Variants in ZNF804B observed in about 807,000 individuals in gnomAD.
The protein encoded by ZNF804B is zinc finger protein 804B.
A neutral mutation model predicts 101.4 loss-of-function variants in ZNF804B; 80 were observed. The observed-to-expected ratio is 0.79, with a 90% CI of 0.66 to 0.95. ZNF804B has a LOEUF of 0.95. Ranked by LOEUF, ZNF804B falls within the 40% of genes least tolerant of loss-of-function variation. The pLI, the probability that ZNF804B is intolerant of heterozygous loss-of-function variation, is 0.00. For missense variants in ZNF804B, 1,673 were observed against 1,561.9 expected (o/e 1.07, Z -1.20); for synonymous variants, 622 against 558.8 (o/e 1.11, Z -1.59).
In ZNF804B at chr7:88,773,532, A is replaced by G. The variant is rs899467776; in HGVS notation, c.108+13448A>G. ...ATAAATCACATTGTGGGAAGAGCAG[A>G]TATGTTTTACATAAACCAAATAATA... On this transcript the variant is annotated intron_variant, in intron 1 of 3. Coordinates refer to ENST00000333190, the MANE Select transcript of ZNF804B (RefSeq NM_181646.5). Among the ~76,000 whole-genome samples the G allele has an allele frequency of 3.0e-4, 46 of 152,342 alleles. 1 individual carries two copies. Among genetic ancestry groups the G allele is most frequent in the African/African-American group, 1.1e-3 (46 of 41,592 alleles).
chr7:89,329,715 T>A (rs1421990985), intron 3 of ZNF804B, among the ~76,000 whole-genome samples: 1 of 151,656 alleles, frequency 6.6e-6, no homozygotes, highest in East Asian at 1.9e-4. Flanking sequence ...TATGTGAACT[T>A]CTTATGTATG....
At chr7:89,198,951 G>A (rs1287057195) in intron 1 of ZNF804B, among the ~76,000 whole-genome samples, 3 of 151,822 alleles carry the variant, frequency 2.0e-5, no homozygotes, top group African/African-American at 7.2e-5. Context: ...GGAATATGGA[G>A]CCATAAGGAG....
intron 1 of ZNF804B, among the ~76,000 whole-genome samples, chr7:89,144,237 T>A (rs1345970566): frequency 1.3e-5 from 2 of 152,044 alleles, no homozygotes; most frequent in Non-Finnish European, 2.9e-5. Flanking sequence ...ATGGATCCTA[T>A]AACATATATA....
chr7:89,327,666 A>G (rs1189871144), intron 3 of ZNF804B, among the ~76,000 whole-genome samples, 192 bp downstream of exon 3: 1 of 152,026 alleles, frequency 6.6e-6, no homozygotes, highest in Non-Finnish European at 1.5e-5. Context: ...AATATTGTTA[A>G]TTTAATGTAC....
intron 1 of ZNF804B, among the ~76,000 whole-genome samples, chr7:89,160,494 T>C (rs1398034847): frequency 6.6e-6 from 1 of 152,186 alleles, no homozygotes; most frequent in Non-Finnish European, 1.5e-5. Context: ...TTTAGTTCTT[T>C]AGCACCAATG....
At chr7:89,327,246 C>A in intron 2 of ZNF804B, 98 bp from the exon 3 acceptor site, 1 of 1,192,178 alleles carries the variant, frequency 8.4e-7, no homozygotes, top group Non-Finnish European at 1.1e-6. Context: ...CAGAAAGTCA[C>A]CTCTGCACTT....
chr7:89,315,450 C>T (rs906671252), intron 2 of ZNF804B, among the ~76,000 whole-genome samples: 42 of 152,266 alleles, frequency 2.8e-4, no homozygotes, highest in African/African-American at 9.4e-4. Flanking sequence ...CATTTGATTA[C>T]AGATGCTAAG....
At chr7:88,810,181 T>G (rs1790762191) in intron 1 of ZNF804B, among the ~76,000 whole-genome samples, 1 of 152,150 alleles carries the variant, frequency 6.6e-6, no homozygotes, top group Non-Finnish European at 1.5e-5. Flanking sequence ...CCTGATAATG[T>G]TGCACACTCT....
chr7:88,794,952 T>C (rs1206152300), intron 1 of ZNF804B: 2 of 1,542,936 alleles, frequency 1.3e-6, no homozygotes, highest in Admixed American at 2.3e-5. Flanking sequence ...TGAGGAGTCT[T>C]ATTTATTTTT....
intron 2 of ZNF804B, among the ~76,000 whole-genome samples, chr7:89,226,888 C>A (rs370095517): frequency 6.6e-6 from 1 of 152,138 alleles, no homozygotes; most frequent in East Asian, 1.9e-4. Flanking sequence ...GAATTATATA[C>A]CATATATAAG....
intron 1 of ZNF804B, among the ~76,000 whole-genome samples, chr7:89,151,959 G>A (rs1245479955): frequency 1.3e-5 from 2 of 152,036 alleles, no homozygotes; most frequent in African/African-American, 2.4e-5. Flanking sequence ...ATTATTGAAT[G>A]TTGGGCTTTT....
At position 88,854,527 on chromosome 7, in the gene ZNF804B, T is replaced by TTTCCTTTCCTTTCCTTTCCTTCCCTTCCC. The variant is rs1791519535; in HGVS notation, c.108+94449_108+94450insTCCTTTCCTTTCCTTCCCTTCCCTTCCTT. Among the ~76,000 whole-genome samples, 5 of 40,072 alleles carry TTTCCTTTCCTTTCCTTTCCTTCCCTTCCC rather than the reference T, an allele frequency of 1.2e-4. 1 individual carries two copies. Among genetic ancestry groups the TTTCCTTTCCTTTCCTTTCCTTCCCTTCCC allele is most frequent in the East Asian group, 1.1e-3 (1 of 922 alleles). 26.3% of individuals were successfully genotyped at this position (40,072 alleles called of 152,430 possible). On this transcript the variant is annotated intron_variant, in intron 1 of 3. Transcript: ENST00000333190. Reference sequence around the variant, plus strand: ...CTTTCCTTTCCTTTCCTTTCCTTCCTTTCCTTCCTTCCTTCCTTCCTTCCT... The same window carrying TTTCCTTTCCTTTCCTTTCCTTCCCTTCCC: ...CTTTCCTTTCCTTTCCTTTCCTTCCTTTCCTTTCCTTTCCTTTCCTTCCCTTCCCTTCCTTCCTTCCTTCCTTCCTTCCT...
intron 2 of ZNF804B, among the ~76,000 whole-genome samples, chr7:89,289,054 G>A (rs1470474886): frequency 1.3e-5 from 2 of 152,096 alleles, no homozygotes; most frequent in Non-Finnish European, 2.9e-5. Flanking sequence ...TTAATCTCTA[G>A]TGTGAATACT....
At chr7:89,228,778 C>T (rs966380482) in intron 2 of ZNF804B, among the ~76,000 whole-genome samples, 3 of 152,212 alleles carry the variant, frequency 2.0e-5, no homozygotes, top group Non-Finnish European at 4.4e-5. Context: ...ACTCCTCAGC[C>T]CTTGGGTGGT....
intron 1 of ZNF804B, among the ~76,000 whole-genome samples, chr7:89,022,640 A>G (rs1444801922): frequency 1.3e-5 from 2 of 152,172 alleles, no homozygotes. Flanking sequence ...CTTCATCAGG[A>G]GTGTCATTCT....
At chr7:88,996,161 TCTA>T (rs1173293793) in intron 1 of ZNF804B, among the ~76,000 whole-genome samples, 2 of 152,064 alleles carry the variant, frequency 1.3e-5, no homozygotes, top group Admixed American at 6.6e-5. Flanking sequence ...GCAAATGTAC[TCTA>T]CTAATATAAT....
rs1401971986 is a variant in ZNF804B, at chr7:89,111,295, A to G, written c.109-106860A>G. The stretch of plus-strand genomic sequence containing the variant: ...TGCTAAGGGTTTTATTTCACTTTGT[A>G]AGAAACTGTCAAACTGTCTTCCAAA... On this transcript the variant is annotated intron_variant, in intron 1 of 3. Transcript: ENST00000333190. Among the ~76,000 whole-genome samples the G allele has an allele frequency of 2.0e-5, 3 of 152,226 alleles. No homozygotes were observed. In the East Asian group the frequency reaches 5.8e-4, roughly 29 times the overall value.
intron 2 of ZNF804B, among the ~76,000 whole-genome samples, chr7:89,260,694 A>G (rs1011677400): frequency 2.0e-5 from 3 of 148,422 alleles, no homozygotes; most frequent in African/African-American, 7.9e-5. Flanking sequence ...AGTATTTCAC[A>G]AAAACAGTAA....
At chr7:89,298,129 A>ATATATATATATCATATATATAG (rs1790411951) in intron 2 of ZNF804B, among the ~76,000 whole-genome samples, 2 of 1,610 alleles carry the variant, frequency 1.2e-3, no homozygotes, top group South Asian at 0.062. Context: ...TCATATAAAT[A>ATATATATATATCATATATATAG]TATATATATA....
Sources: allele counts gnomAD v4.1 joint callset (sites outside exome capture counted in the v4.1 genomes callset), GRCh38; gene constraint gnomAD v4.1.1; transcripts MANE v1.5; gene names NCBI Gene and HGNC (gene_info 2026-07-23, HGNC 2026-07-21).